ADCY2: variants seen among roughly 807,000 people sequenced by gnomAD.
ADCY2 encodes adenylate cyclase type 2.
Under a neutral mutation model 125.2 loss-of-function variants are expected in ADCY2, and 31 were observed. The observed-to-expected ratio is 0.25, with a 90% CI of 0.19 to 0.33. ADCY2 has a LOEUF of 0.33. Among genes scored for constraint, ADCY2 ranks in the 10% least tolerant of loss-of-function variants. The pLI is 1.00. For synonymous variants in ADCY2, 512 were observed against 548.4 expected, an observed-to-expected ratio of 0.93 and a Z score of 0.93; for missense variants, 904 against 1,418.2, an observed-to-expected ratio of 0.64 and a Z score of 5.82.
intron 3 of ADCY2, among the ~76,000 whole-genome samples, chr5:7,532,060 GTATT>G (rs1734668046): frequency 6.6e-6 from 1 of 152,186 alleles, no homozygotes; most frequent in South Asian, 2.1e-4. Context: ...TTCTTGGTAA[GTATT>G]TATGGTAACA....
At chr5:7,435,042 T>C (rs1740744433) in intron 2 of ADCY2, among the ~76,000 whole-genome samples, 1 of 152,240 alleles carries the variant, frequency 6.6e-6, no homozygotes, top group Non-Finnish European at 1.5e-5. Flanking sequence ...CAGTTGGGTG[T>C]GTTTTGAGGA....
intron 4 of ADCY2, among the ~76,000 whole-genome samples, chr5:7,664,943 C>G (rs1275470647): frequency 6.6e-6 from 1 of 152,192 alleles, no homozygotes; most frequent in Non-Finnish European, 1.5e-5. Flanking sequence ...CAATTGTCAA[C>G]CACAAAATGT....
chr5:7,700,302 AT>A (rs1399144293), intron 7 of ADCY2, among the ~76,000 whole-genome samples: 5 of 152,308 alleles, frequency 3.3e-5, no homozygotes, highest in African/African-American at 1.2e-4. Flanking sequence ...CAAAGTAAAA[AT>A]ATAAGGTAAA....
intron 2 of ADCY2, among the ~76,000 whole-genome samples, chr5:7,468,701 C>G (rs1742220574): frequency 6.6e-6 from 1 of 152,100 alleles, no homozygotes; most frequent in African/African-American, 2.4e-5. Context: ...TCTGCCAGGT[C>G]TAGAAGTTAG....
intron 5 of ADCY2, among the ~76,000 whole-genome samples, chr5:7,693,792 C>A (rs1740800238): frequency 1.3e-5 from 2 of 152,192 alleles, no homozygotes; most frequent in Admixed American, 1.3e-4. Context: ...CTACAGGCAG[C>A]CTATCTCAGA....
intron 23 of ADCY2, 32 bp downstream of exon 23, chr5:7,817,012 T>C (rs1745133882): frequency 2.6e-6 from 4 of 1,551,890 alleles, no homozygotes; most frequent in East Asian, 2.2e-5. Context: ...TCGGTTTCAG[T>C]TGTGGCAAAG....
intron 18 of ADCY2, among the ~76,000 whole-genome samples, chr5:7,776,193 TA>T (rs11332766): frequency 0.48 from 44,062 of 91,108 alleles, 9,523 homozygotes; most frequent in East Asian, 0.65. Flanking sequence ...GTGAGATCCT[TA>T]AAAAAAAAAA....
At chr5:7,529,793 G>A (rs909624550) in intron 3 of ADCY2, among the ~76,000 whole-genome samples, 4 of 152,228 alleles carry the variant, frequency 2.6e-5, no homozygotes, top group Non-Finnish European at 5.9e-5. Context: ...TTGTGAGGGT[G>A]GCCCACATCC....
At chr5:7,538,278 C>T (rs977850127) in intron 3 of ADCY2, among the ~76,000 whole-genome samples, 2 of 152,126 alleles carry the variant, frequency 1.3e-5, no homozygotes, top group African/African-American at 4.8e-5. Flanking sequence ...GAGCTCCAAT[C>T]CCAGTTCTGC....
intron 1 of ADCY2, among the ~76,000 whole-genome samples, chr5:7,400,476 C>T (rs1031753283): frequency 5.3e-5 from 8 of 152,160 alleles, no homozygotes; most frequent in African/African-American, 1.9e-4. Context: ...GAGAAAGAAT[C>T]TTATTCTTCC....
At chr5:7,539,365 A>T (rs7703071) in intron 3 of ADCY2, among the ~76,000 whole-genome samples, 5,152 of 152,172 alleles carry the variant, frequency 0.034, 274 homozygotes, top group African/African-American at 0.11. Context: ...TAAAAAAAAA[A>T]AAATAAAACC....
At chr5:7,523,317 A>T (rs1744529259) in intron 3 of ADCY2, among the ~76,000 whole-genome samples, 1 of 100,786 alleles carries the variant, frequency 9.9e-6, no homozygotes, top group African/African-American at 4.6e-5. Context: ...TGCATTGGTA[A>T]AAAAAAAAAA....
At chr5:7,433,601 C>T (rs1484565365) in intron 2 of ADCY2, among the ~76,000 whole-genome samples, 1 of 151,896 alleles carries the variant, frequency 6.6e-6, no homozygotes, top group African/African-American at 2.4e-5. Context: ...AATTGTGGAA[C>T]AGTTAGATAA....
intron 17 of ADCY2, among the ~76,000 whole-genome samples, chr5:7,771,039 C>G (rs1255993816): frequency 6.6e-6 from 1 of 152,292 alleles, no homozygotes; most frequent in East Asian, 1.9e-4. Context: ...GAACTCACTG[C>G]TGTACTTTGA....
chr5:7,682,712 C>T (rs1740380842), intron 4 of ADCY2, among the ~76,000 whole-genome samples: 2 of 152,176 alleles, frequency 1.3e-5, no homozygotes, highest in Non-Finnish European at 2.9e-5. Context: ...TTCAGAGGAG[C>T]CTCATTGCCT....
intron 18 of ADCY2, among the ~76,000 whole-genome samples, chr5:7,779,176 G>A (rs915855304): frequency 2.0e-5 from 3 of 152,094 alleles, no homozygotes; most frequent in Admixed American, 2.0e-4. Flanking sequence ...TCATCCTAGG[G>A]CTATGCAGGG....
At chr5:7,567,093 AAATAT>A (rs1376447146) in intron 3 of ADCY2, among the ~76,000 whole-genome samples, 4 of 152,196 alleles carry the variant, frequency 2.6e-5, no homozygotes, top group Non-Finnish European at 5.9e-5. Context: ...ATCATGATGT[AAATAT>A]AATTTGTTCT....
chr5:7,452,612 AC>A (rs1167466531), intron 2 of ADCY2, among the ~76,000 whole-genome samples: 2 of 152,146 alleles, frequency 1.3e-5, no homozygotes, highest in Admixed American at 1.3e-4. Flanking sequence ...TTCCATAGAT[AC>A]CCAGTAGTGA....
In ADCY2 at chr5:7,454,498, T is replaced by G. The variant is rs545009116; in HGVS notation, c.408+39728T>G. Among the ~76,000 whole-genome samples the G allele has an allele frequency of 5.3e-5, 8 of 152,354 alleles. No individual in the cohort carries two copies. The East Asian group carries it at 1.5e-3, about 29-fold the overall frequency. ...TTTCAGATGTTTTAGAATTTAAAGATAAATTTATCCTTGATTCCTATCTTG... is the reference window on the plus strand; with the variant it reads ...TTTCAGATGTTTTAGAATTTAAAGAGAAATTTATCCTTGATTCCTATCTTG... On this transcript the variant is annotated intron_variant, in intron 2 of 24. Transcript: ENST00000338316.
Sources: gnomAD v4.1 joint callset for allele counts (sites outside exome capture counted in the v4.1 genomes callset) on GRCh38, gnomAD v4.1.1 for gene constraint, MANE v1.5 for transcripts, NCBI Gene and HGNC (gene_info 2026-07-23, HGNC 2026-07-21) for gene names.